Variants in KIAA1217 observed in about 807,000 individuals in gnomAD.
KIAA1217 encodes the protein sickle tail protein homolog.
Under a neutral mutation model 163.9 loss-of-function variants are expected in KIAA1217, and 88 were observed. The ratio of observed to expected loss-of-function variants is 0.54; its 90% CI spans 0.45 to 0.64. The LOEUF is 0.64. Ranked by LOEUF, KIAA1217 falls within the 30% of genes least tolerant of loss-of-function variation. The pLI is 0.00. For synonymous variants in KIAA1217, 903 were observed against 923.1 expected, an observed-to-expected ratio of 0.98 and a Z score of 0.39; for missense variants, 2,372 against 2,475.0, an observed-to-expected ratio of 0.96 and a Z score of 0.88.
intron 3 of KIAA1217, among the ~76,000 whole-genome samples, chr10:24,399,810 C>G (rs1294660260): frequency 6.6e-6 from 1 of 152,020 alleles, no homozygotes; most frequent in Non-Finnish European, 1.5e-5. Context: ...CTAACTGTAC[C>G]CCTTGTCACC....
In KIAA1217 at chr10:24,452,552, G is replaced by A. The variant is rs534076482; in HGVS notation, c.846+14073G>A. On this transcript the variant is annotated intron_variant, in intron 5 of 20. Transcript: ENST00000376454. ...AAAAAATTAGCTGGGCGTGGTGGCG[G>A]GCGCCTGTAGTCCCAGCTACTCGGG... Among the ~76,000 whole-genome samples, 6 of 151,382 alleles carry A rather than the reference G, an allele frequency of 4.0e-5. No homozygotes were observed. In the South Asian group the frequency reaches 1.3e-3, roughly 32 times the overall value.
chr10:24,521,234 G>A (rs543281723), intron 11 of KIAA1217, among the ~76,000 whole-genome samples: 28 of 151,902 alleles, frequency 1.8e-4, no homozygotes, highest in African/African-American at 6.8e-4. Context: ...CTCAGCTGAG[G>A]CAGGAGAATT....
intron 1 of KIAA1217, among the ~76,000 whole-genome samples, chr10:24,213,940 C>T (rs1471023083): frequency 1.3e-5 from 2 of 151,958 alleles, no homozygotes; most frequent in East Asian, 3.9e-4. Flanking sequence ...CACTTGAGGC[C>T]AGGAGTTCTA....
At chr10:24,295,881 T>C (rs2040541072) in intron 2 of KIAA1217, among the ~76,000 whole-genome samples, 1 of 152,228 alleles carries the variant, frequency 6.6e-6, no homozygotes, top group African/African-American at 2.4e-5. Flanking sequence ...ATCGCTCTTA[T>C]GGCACATGGC....
At chr10:23,815,953 A>G (rs974553748) in intron 1 of KIAA1217, among the ~76,000 whole-genome samples, 1 of 152,206 alleles carries the variant, frequency 6.6e-6, no homozygotes, top group African/African-American at 2.4e-5. Context: ...TTTCCTTCAG[A>G]GAACTGCTTA....
intron 2 of KIAA1217, among the ~76,000 whole-genome samples, chr10:24,297,042 A>C: frequency 6.6e-6 from 1 of 152,236 alleles, no homozygotes; most frequent in East Asian, 1.9e-4. Flanking sequence ...TTCAAAATGC[A>C]AAAGAATTTG....
chr10:24,409,122 G>A (rs2057510243), intron 3 of KIAA1217, among the ~76,000 whole-genome samples: 1 of 152,144 alleles, frequency 6.6e-6, no homozygotes, highest in African/African-American at 2.4e-5. Flanking sequence ...AAGAATCACA[G>A]GGGGACAGAT....
At chr10:24,351,851 G>A (rs995170969) in intron 2 of KIAA1217, among the ~76,000 whole-genome samples, 17 of 152,184 alleles carry the variant, frequency 1.1e-4, no homozygotes, top group African/African-American at 3.9e-4. Flanking sequence ...GGTTGCTGGA[G>A]CGAGATGGGC....
intron 2 of KIAA1217, among the ~76,000 whole-genome samples, chr10:24,010,963 A>G (rs1304427164): frequency 2.6e-5 from 4 of 152,166 alleles, no homozygotes; most frequent in Non-Finnish European, 4.4e-5. Context: ...CAAGACATCC[A>G]ACAGCTATAA....
intron 1 of KIAA1217, among the ~76,000 whole-genome samples, chr10:23,847,062 C>T (rs1034315914): frequency 1.3e-5 from 2 of 152,024 alleles, no homozygotes; most frequent in Non-Finnish European, 2.9e-5. Flanking sequence ...TGTTGAACCA[C>T]CCTTGCCTCC....
intron 1 of KIAA1217, among the ~76,000 whole-genome samples, chr10:23,894,050 G>A (rs1292364263): frequency 6.6e-5 from 10 of 151,734 alleles, no homozygotes; most frequent in African/African-American, 1.2e-4. Flanking sequence ...ATGGGCAAAA[G>A]CTGGAAGCAT....
chr10:24,219,349 C>T (rs992430599), intron 1 of KIAA1217, among the ~76,000 whole-genome samples: 3 of 152,038 alleles, frequency 2.0e-5, no homozygotes, highest in Non-Finnish European at 4.4e-5. Context: ...TGGGCTTAAG[C>T]GATCCTCCCG....
At chr10:23,780,172 A>G (rs2130900466) in intron 1 of KIAA1217, among the ~76,000 whole-genome samples, 1 of 152,332 alleles carries the variant, frequency 6.6e-6, no homozygotes, top group South Asian at 2.1e-4. Flanking sequence ...TTTAAGGTAG[A>G]CAACATGATG....
intron 1 of KIAA1217, among the ~76,000 whole-genome samples, chr10:23,704,172 G>GTGTGTGTGTATATATATATATATATA (rs1229370789): frequency 5.0e-5 from 2 of 39,946 alleles, no homozygotes; most frequent in African/African-American, 1.3e-4. Context: ...GTGTGTGTGT[G>GTGTGTGTGTATATATATATATATATA]TATATATATA....
intron 1 of KIAA1217, among the ~76,000 whole-genome samples, chr10:23,939,020 A>G (rs114692668): frequency 2.6e-5 from 4 of 152,346 alleles, no homozygotes; most frequent in African/African-American, 9.6e-5. Context: ...CAAGAAAGTA[A>G]AGAAAAACAT....
At position 23,796,235 on chromosome 10, in the gene KIAA1217, G is replaced by C. The variant is rs11013711; in HGVS notation, c.-321+101001G>C. 7.0e-3 allele frequency among the ~76,000 whole-genome samples: 1,073 copies of C among 152,260 alleles called. 19 individuals carry two copies. Among genetic ancestry groups the C allele is most frequent in the African/African-American group, 0.025 (1,030 of 41,544 alleles). The stretch of plus-strand genomic sequence containing the variant: ...TCTGGGTTCTGAGAGTCTTGACCCT[G>C]ACCCTCTAAATGACCTTGTCTTAGT... On this transcript the variant is annotated intron_variant, in intron 1 of 18. Transcript: ENST00000376462.
chr10:23,819,815 A>G (rs560895980), intron 1 of KIAA1217, among the ~76,000 whole-genome samples: 2 of 152,304 alleles, frequency 1.3e-5, no homozygotes, highest in Non-Finnish European at 2.9e-5. Context: ...ATACCAGACC[A>G]GTAGTTCAGG....
chr10:23,969,422 G>A (rs1033600365), intron 1 of KIAA1217, among the ~76,000 whole-genome samples: 5 of 152,162 alleles, frequency 3.3e-5, no homozygotes, highest in Non-Finnish European at 5.9e-5. Context: ...CAATGCATGA[G>A]GGTTCTAATT....
At chr10:23,924,029 G>T (rs1842936465) in intron 1 of KIAA1217, among the ~76,000 whole-genome samples, 1 of 152,066 alleles carries the variant, frequency 6.6e-6, no homozygotes, top group South Asian at 2.1e-4. Flanking sequence ...TGTCAAAAAT[G>T]TCTCAAGATA....
Sources: gnomAD v4.1 joint callset for allele counts (sites outside exome capture counted in the v4.1 genomes callset) on GRCh38, gnomAD v4.1.1 for gene constraint, MANE v1.5 for transcripts, NCBI Gene and HGNC (gene_info 2026-07-23, HGNC 2026-07-21) for gene names.